The following WAPL variants were observed in gnomAD, a reference collection of about 807,000 sequenced individuals.
WAPL encodes the protein wings apart-like protein homolog.
WAPL carries 5 observed loss-of-function variants against 121.0 expected under a neutral mutation model. That is an observed-to-expected ratio of 0.04 (90% CI 0.02 to 0.09). The LOEUF is 0.09. Among genes scored for constraint, WAPL ranks in the 10% least tolerant of loss-of-function variants. The pLI is 1.00. For synonymous variants in WAPL, 480 were observed against 481.5 expected, an observed-to-expected ratio of 1.00 and a Z score of 0.04; for missense variants, 999 against 1,410.8, an observed-to-expected ratio of 0.71 and a Z score of 4.68.
intron 4 of WAPL, among the ~76,000 whole-genome samples, chr10:86,483,186 C>T (rs558257392): frequency 7.9e-5 from 12 of 152,160 alleles, no homozygotes; most frequent in African/African-American, 2.7e-4. Context: ...TTTGGGAGGC[C>T]GAGGTGGGTG....
intron 4 of WAPL, among the ~76,000 whole-genome samples, chr10:86,484,126 G>A (rs1589521991): frequency 6.6e-6 from 1 of 152,156 alleles, no homozygotes; most frequent in Non-Finnish European, 1.5e-5. Flanking sequence ...AGTACAGTGT[G>A]TTTGTTTTAA....
At chr10:86,512,946 CT>C (rs912367456) in intron 2 of WAPL, among the ~76,000 whole-genome samples, 4 of 152,168 alleles carry the variant, frequency 2.6e-5, no homozygotes, top group African/African-American at 9.7e-5. Flanking sequence ...CAACACAACC[CT>C]TCCCTGCAGT....
chr10:86,520,282 C>T (rs978905844), intron 1 of WAPL, among the ~76,000 whole-genome samples: 18 of 152,034 alleles, frequency 1.2e-4, no homozygotes, highest in African/African-American at 4.3e-4. Flanking sequence ...GCAACAAGGG[C>T]GAAACTCCGT....
chr10:86,451,249 T>C (rs1026205043), intron 15 of WAPL, among the ~76,000 whole-genome samples: 23 of 151,880 alleles, frequency 1.5e-4, no homozygotes, highest in African/African-American at 4.8e-4. Context: ...ATTTCATTAA[T>C]AGAACAAATG....
At chr10:86,456,993 C>T (rs1271886989) in intron 12 of WAPL, among the ~76,000 whole-genome samples, 1 of 152,088 alleles carries the variant, frequency 6.6e-6, no homozygotes, top group Non-Finnish European at 1.5e-5. Context: ...AAAAGAGCAC[C>T]TGTCATATCA....
chr10:86,513,104 T>G lies in WAPL; in HGVS notation c.499+4467A>C, dbSNP rs113409021. Among the ~76,000 whole-genome samples the G allele has an allele frequency of 1.6e-3, 242 of 152,242 alleles. 1 individual carries two copies. Among genetic ancestry groups the G allele is most frequent in the African/African-American group, 5.5e-3 (230 of 41,538 alleles). On this transcript the variant is annotated intron_variant, in intron 2 of 18. Coordinates refer to ENST00000298767, the MANE Select transcript of WAPL (RefSeq NM_015045.5). ...CTCTGTTGCCCAAGTTGGAGTGCAG[T>G]GGCACCACCTCGGCTCACTGCAACC...
chr10:86,496,115 A>T, intron 4 of WAPL, among the ~76,000 whole-genome samples: 1 of 152,220 alleles, frequency 6.6e-6, no homozygotes, highest in East Asian at 1.9e-4. Flanking sequence ...ACTCCATCTA[A>T]AACAAACAAA....
chr10:86,476,347 A>G (rs1223602540), intron 4 of WAPL, among the ~76,000 whole-genome samples: 1 of 152,100 alleles, frequency 6.6e-6, no homozygotes, highest in African/African-American at 2.4e-5. Context: ...CCTGGGCGAC[A>G]GAGCGAGACT....
Position 86,443,243 on chromosome 10 carries a change from A to T in WAPL, c.3411+32T>A, listed in dbSNP as rs1314486009. On this transcript the variant is annotated intron_variant, in intron 17 of 18. Coordinates refer to ENST00000298767, the MANE Select transcript of WAPL (RefSeq NM_015045.5). ...GTCGTTACATTGGAATCTTTCAAAG[A>T]TACATAAAACATCACTGAACTATGT... 4 of 1,526,176 alleles carry T rather than the reference A, an allele frequency of 2.6e-6. No individual in the cohort carries two copies. The African/African-American group carries it at 4.1e-5, about 16-fold the overall frequency. 94.5% of individuals were successfully genotyped at this position (1,526,176 alleles called of 1,614,324 possible).
At chr10:86,463,901 G>A (rs1841341833) in intron 9 of WAPL, among the ~76,000 whole-genome samples, 1 of 152,152 alleles carries the variant, frequency 6.6e-6, no homozygotes. Flanking sequence ...ATACAGGTTT[G>A]CATCCTAAAA....
intron 2 of WAPL, among the ~76,000 whole-genome samples, chr10:86,512,765 T>C (rs1321068495): frequency 1.3e-5 from 2 of 152,174 alleles, no homozygotes; most frequent in African/African-American, 4.8e-5. Context: ...GAGTAAAGGA[T>C]GGGAAGTGGA....
At chr10:86,467,243 A>G in intron 9 of WAPL, 36 bp downstream of exon 9, 11 of 1,577,664 alleles carry the variant, frequency 7.0e-6, no homozygotes, top group Non-Finnish European at 9.6e-6. Flanking sequence ...TTCTGAAAGT[A>G]ATTCTCATCT....
Position 86,497,277 on chromosome 10 carries a change from C to T in WAPL, c.1568G>A (p.Ser523Asn). The T allele has an allele frequency of 6.2e-7, 1 of 1,612,938 alleles. No homozygotes were observed. Among genetic ancestry groups the T allele is most frequent in the Non-Finnish European group, 8.5e-7 (1 of 1,179,724 alleles). Residue 523 changes from serine (S) to asparagine (N), a missense_variant, in exon 4 of 19, where the codon AGT becomes AAT. Physicochemically the swap from Ser to Asn is conservative, Grantham distance 46 (BLOSUM62 1). This residue lies in a region of WAPL where 531 missense variants were observed against 563.1 expected (regional missense o/e 0.94). Coordinates refer to ENST00000298767, the MANE Select transcript of WAPL (RefSeq NM_015045.5). ...FTEDLPGVPE[S>N]VKKPINKQGD... ...TTGTTTATTTATGGGCTTCTTCACACTTTCAGGCACACCAGGCAAGTCCTC... is the reference window on the plus strand; with the variant it reads ...TTGTTTATTTATGGGCTTCTTCACATTTTCAGGCACACCAGGCAAGTCCTC...
At chr10:86,455,705 GA>G (rs1333302675) in intron 12 of WAPL, among the ~76,000 whole-genome samples, 80 of 109,316 alleles carry the variant, frequency 7.3e-4, no homozygotes, top group Admixed American at 1.2e-3. Context: ...AAGAAAGAAA[GA>G]AAAAAAAAGA....
In WAPL at chr10:86,435,287, AAATT is replaced by A. The variant is rs2132157764; in HGVS notation, c.*2252_*2255del. ...GAAAGTAGCAATTTTATTTGAGTTA[AAATT>A]ATTTACAAAAACCCAAAGACATACT... On this transcript the variant is annotated 3_prime_UTR_variant, in exon 19 of 19. Transcript: ENST00000298767. The A allele has an allele frequency of 6.5e-6, 1 of 152,770 alleles. No homozygotes were observed. Among genetic ancestry groups the A allele is most frequent in the South Asian group, 2.1e-4 (1 of 4,822 alleles). The allele number at this position is 152,770 out of a possible 1,614,324, so 9.5% of individuals were successfully genotyped here.
At chr10:86,457,635 GA>G (rs200995828) in intron 12 of WAPL, among the ~76,000 whole-genome samples, 9 of 146,840 alleles carry the variant, frequency 6.1e-5, no homozygotes, top group Non-Finnish European at 1.2e-4. Flanking sequence ...CCTGGGCTCA[GA>G]AAAAAAAATA....
chr10:86,496,833 A>G (rs1420660399), intron 4 of WAPL, among the ~76,000 whole-genome samples: 18 of 152,204 alleles, frequency 1.2e-4, no homozygotes, highest in Non-Finnish European at 1.8e-4. Flanking sequence ...TAAGATACTT[A>G]GAAAAAGCAC....
chr10:86,489,048 T>C (rs1326988809), intron 4 of WAPL, among the ~76,000 whole-genome samples: 1 of 152,234 alleles, frequency 6.6e-6, no homozygotes, highest in East Asian at 1.9e-4. Flanking sequence ...CTCCTCTGTA[T>C]TGCCATCAAA....
At chr10:86,453,196 T>C in intron 14 of WAPL, 24 bp downstream of exon 14, 1 of 1,610,190 alleles carries the variant, frequency 6.2e-7, no homozygotes, top group Non-Finnish European at 8.5e-7. Context: ...GATACTCATT[T>C]CTGAAAAAGT....
Sources: allele counts gnomAD v4.1 joint callset (sites outside exome capture counted in the v4.1 genomes callset), GRCh38; gene constraint gnomAD v4.1.1; regional missense constraint gnomAD v4.1.1; transcripts MANE v1.5; gene names NCBI Gene and HGNC (gene_info 2026-07-23, HGNC 2026-07-21).